Variants in NFASC observed in about 807,000 individuals in gnomAD.
NFASC encodes the protein neurofascin homolog.
NFASC carries 43 observed loss-of-function variants against 147.5 expected under a neutral mutation model. That is an observed-to-expected ratio of 0.29 (90% CI 0.23 to 0.38). NFASC has a LOEUF of 0.38. Ranked by LOEUF, NFASC falls within the 10% of genes least tolerant of loss-of-function variation. NFASC has a pLI of 1.00. For synonymous variants in NFASC, 622 were observed against 665.5 expected (o/e 0.93, Z 1.01); for missense variants, 1,320 against 1,689.0 (o/e 0.78, Z 3.83).
intron 1 of NFASC, among the ~76,000 whole-genome samples, chr1:204,848,521 C>T (rs906260370): frequency 5.9e-5 from 9 of 152,236 alleles, no homozygotes; most frequent in Admixed American, 5.2e-4. Flanking sequence ...CCACCACACC[C>T]GGTGCGAATT....
At chr1:204,972,157 G>A (rs2095278604) in intron 11 of NFASC, among the ~76,000 whole-genome samples, 2 of 152,192 alleles carry the variant, frequency 1.3e-5, no homozygotes, top group South Asian at 4.1e-4. Flanking sequence ...TCTGGGCTCA[G>A]GCTGGCTATC....
intron 3 of NFASC, among the ~76,000 whole-genome samples, chr1:204,945,740 T>C (rs2093681638): frequency 1.3e-5 from 2 of 152,264 alleles, no homozygotes; most frequent in South Asian, 4.1e-4. Flanking sequence ...CCTGTTCCCA[T>C]GGTAACTGTC....
chr1:204,928,010 C>T (rs796364705), intron 2 of NFASC, among the ~76,000 whole-genome samples: 13 of 152,214 alleles, frequency 8.5e-5, no homozygotes, highest in African/African-American at 2.9e-4. Context: ...GGGGGGAGTT[C>T]GCTTCTTGCT....
chr1:204,959,722 C>G (rs1228447404), intron 8 of NFASC, among the ~76,000 whole-genome samples: 1 of 152,230 alleles, frequency 6.6e-6, no homozygotes, highest in Admixed American at 6.5e-5. Context: ...ATCACTGTCA[C>G]ACAGAGTAGA....
At chr1:204,994,690 CTG>C (rs1399399088) in intron 24 of NFASC, among the ~76,000 whole-genome samples, 1 of 152,208 alleles carries the variant, frequency 6.6e-6, no homozygotes, top group Non-Finnish European at 1.5e-5. Context: ...GAGTCTCGCT[CTG>C]TCGCCCAGGC....
At chr1:204,857,219 C>G (rs1189513887) in intron 1 of NFASC, among the ~76,000 whole-genome samples, 1 of 152,216 alleles carries the variant, frequency 6.6e-6, no homozygotes, top group Non-Finnish European at 1.5e-5. Flanking sequence ...TGACCCCTTA[C>G]AATTTTACAC....
intron 2 of NFASC, among the ~76,000 whole-genome samples, chr1:204,921,246 G>A (rs2090421176): frequency 6.6e-6 from 1 of 152,172 alleles, no homozygotes; most frequent in Non-Finnish European, 1.5e-5. Context: ...GGTCTGCCTT[G>A]TTCCATTCCG....
intron 2 of NFASC, among the ~76,000 whole-genome samples, chr1:204,931,145 C>A (rs2092332639): frequency 6.6e-6 from 1 of 152,112 alleles, no homozygotes; most frequent in Non-Finnish European, 1.5e-5. Flanking sequence ...AGCTGCTCTG[C>A]AAACATTATT....
intron 8 of NFASC, among the ~76,000 whole-genome samples, chr1:204,966,790 G>A (rs574685235): frequency 6.6e-6 from 1 of 152,222 alleles, no homozygotes; most frequent in East Asian, 1.9e-4. Context: ...TTTGCTGTAT[G>A]CCGTGTATTG....
At chr1:204,977,065 G>A in intron 16 of NFASC, 1 of 1,239,130 alleles carries the variant, frequency 8.1e-7, no homozygotes, top group Non-Finnish European at 1.0e-6. Context: ...AAGTGGAGAG[G>A]GGTTTCTCGT....
chr1:204,925,672 T>C (rs902961411), intron 2 of NFASC, among the ~76,000 whole-genome samples: 1 of 152,244 alleles, frequency 6.6e-6, no homozygotes, highest in Non-Finnish European at 1.5e-5. Context: ...GCTACAGTCT[T>C]GCCCCTCTTT....
chr1:205,015,938 G>A lies in NFASC; in HGVS notation c.3492-370G>A, dbSNP rs934737062. On this transcript the variant is annotated intron_variant, in intron 29 of 29. Transcript: ENST00000339876. The surrounding 1 kb of genome is among the most constrained non-coding windows in gnomAD (Gnocchi z 4.0). The stretch of plus-strand genomic sequence containing the variant: ...CACAAAACCACACAGTGACACACTC[G>A]GGACTAGAACCATTCCATGTGGTCT... Among the ~76,000 whole-genome samples the A allele has an allele frequency of 2.0e-5, 3 of 152,226 alleles. No individual in the cohort carries two copies. The highest frequency in any genetic ancestry group is 2.0e-4 in the East Asian group (1 of 5,126).
intron 29 of NFASC, among the ~76,000 whole-genome samples, chr1:205,014,218 C>T (rs1447526354): frequency 6.6e-6 from 1 of 152,172 alleles, no homozygotes; most frequent in African/African-American, 2.4e-5. Flanking sequence ...CAGGCAAAAA[C>T]CCCTGCCTCC....
chr1:204,988,930 C>A, intron 23 of NFASC, 124 bp downstream of exon 23: 1 of 892,794 alleles, frequency 1.1e-6, no homozygotes, highest in South Asian at 1.5e-5. Context: ...AGTCCTCAAG[C>A]CCTCGGAAGG....
intron 1 of NFASC, among the ~76,000 whole-genome samples, chr1:204,860,078 G>T (rs900129281): frequency 2.6e-5 from 4 of 152,148 alleles, no homozygotes; most frequent in Non-Finnish European, 5.9e-5. Flanking sequence ...GCTGCCAGTG[G>T]AGAAAAGAGC....
intron 1 of NFASC, among the ~76,000 whole-genome samples, chr1:204,891,685 A>AG (rs2082417809): frequency 6.6e-6 from 1 of 152,194 alleles, no homozygotes; most frequent in South Asian, 2.1e-4. Flanking sequence ...GCATCAGGAT[A>AG]GATTTTCTTT....
intron 1 of NFASC, among the ~76,000 whole-genome samples, chr1:204,906,000 C>A (rs2149259178): frequency 6.6e-6 from 1 of 152,250 alleles, no homozygotes; most frequent in African/African-American, 2.4e-5. Flanking sequence ...TTTCCCAGAC[C>A]ACCAATGTGT....
intron 1 of NFASC, among the ~76,000 whole-genome samples, chr1:204,848,755 A>G (rs1348142488): frequency 6.6e-6 from 1 of 152,238 alleles, no homozygotes; most frequent in African/African-American, 2.4e-5. Context: ...AACAGAGCAA[A>G]TAAGGACAGG....
rs760348494 is a variant in NFASC, at chr1:204,954,982, T to TA, written c.535+32dup. 1.3e-6 allele frequency: 2 copies of TA among 1,596,510 alleles called. No homozygotes were observed. The highest frequency in any genetic ancestry group is 2.2e-5 in the South Asian group (2 of 90,866). ...TCTTGGGGGCCTGGTGTTGTGTTTA[T>TA]ATCTTAACCTTAGGGGGTGGGGTGG... On this transcript the variant is annotated intron_variant, in intron 7 of 29. Coordinates refer to ENST00000339876, the MANE Select transcript of NFASC (RefSeq NM_001005388.3). The surrounding 1 kb of genome is among the most constrained non-coding windows in gnomAD (Gnocchi z 5.7).
Sources: allele counts gnomAD v4.1 joint callset (sites outside exome capture counted in the v4.1 genomes callset), GRCh38; gene constraint gnomAD v4.1.1; non-coding constraint Gnocchi (gnomAD v3.1); transcripts MANE v1.5; gene names NCBI Gene and HGNC (gene_info 2026-07-23, HGNC 2026-07-21).